ENAH: variants seen among roughly 807,000 people sequenced by gnomAD.
The protein encoded by ENAH is ENAH actin regulator.
Under a neutral mutation model 78.7 loss-of-function variants are expected in ENAH, and 23 were observed. The observed-to-expected ratio is 0.29, with a 90% confidence interval of 0.21 to 0.41. The LOEUF (loss-of-function observed/expected upper bound fraction) is 0.41, where lower values mean the gene tolerates loss of function less well. Ranked by LOEUF, ENAH falls within the 10% of genes least tolerant of loss-of-function variation. The probability of loss-of-function intolerance (pLI) is 1.00; values close to 1 mark genes in which losing one functional copy is unlikely to be tolerated. For missense variants in ENAH, 544 were observed against 691.0 expected, an observed-to-expected ratio of 0.79 and a Z score of 2.39; for synonymous variants, 226 against 241.0, an observed-to-expected ratio of 0.94 and a Z score of 0.58.
At chr1:225,501,378 A>G (rs1290457011) in intron 11 of ENAH, 5 of 265,934 alleles carry the variant, frequency 1.9e-5, no homozygotes, top group Non-Finnish European at 3.5e-5. Context: ...CACGTTGACC[A>G]AAACAGTGAT....
chr1:225,506,315 G>A (rs1443966129), intron 11 of ENAH, among the ~76,000 whole-genome samples: 1 of 152,202 alleles, frequency 6.6e-6, no homozygotes, highest in Non-Finnish European at 1.5e-5. Context: ...AGCCTCCCAA[G>A]TAGCTGGCAT....
chr1:225,614,755 T>G (rs910944807), intron 1 of ENAH, among the ~76,000 whole-genome samples: 6 of 152,140 alleles, frequency 3.9e-5, no homozygotes, highest in African/African-American at 1.4e-4. Context: ...CTTTGGTCAG[T>G]CCAAGGGTTT....
At chr1:225,504,802 A>G (rs1396674479) in intron 11 of ENAH, among the ~76,000 whole-genome samples, 2 of 152,218 alleles carry the variant, frequency 1.3e-5, no homozygotes, top group Non-Finnish European at 1.5e-5. Flanking sequence ...AGTATTTCTA[A>G]TATGTTTACC....
At chr1:225,603,411 T>C (rs1031760765) in intron 1 of ENAH, among the ~76,000 whole-genome samples, 6 of 152,128 alleles carry the variant, frequency 3.9e-5, no homozygotes, top group Non-Finnish European at 7.4e-5. Context: ...GCAGCTTCTA[T>C]AAAATTACTT....
intron 1 of ENAH, among the ~76,000 whole-genome samples, chr1:225,586,714 G>C (rs1408234893): frequency 1.3e-5 from 2 of 152,046 alleles, no homozygotes; most frequent in African/African-American, 2.4e-5. Flanking sequence ...TAAAGGAGAA[G>C]AACAACGTAA....
chr1:225,512,914 C>T lies in ENAH; in HGVS notation c.1321G>A (p.Gly441Ser), dbSNP rs1387803641. ...CTCATTTCTTCCATTAAACCACTACCCCCTAAAGGAAGGGGTCCATTTCCA... is the reference window on the plus strand; with the variant it reads ...CTCATTTCTTCCATTAAACCACTACTCCCTAAAGGAAGGGGTCCATTTCCA... The part of the protein sequence containing the change: ...GRGNGPLPLG[G>S]SGLMEEMSAL... Residue 441 changes from glycine (G) to serine (S), a missense_variant, in exon 8 of 14, where the codon GGT becomes AGT. By Grantham distance (56) the Gly-to-Ser change is moderately conservative. This residue lies in a region of ENAH where 366 missense variants were observed against 396.1 expected (regional missense o/e 0.92). Coordinates refer to ENST00000366843, the MANE Select transcript of ENAH (RefSeq NM_018212.6). 6.2e-7 allele frequency: 1 copy of T among 1,613,928 alleles called. No individual in the cohort carries two copies. The highest frequency in any genetic ancestry group is 1.3e-5 in the African/African-American group (1 of 74,900).
At chr1:225,530,222 T>C (rs1463338598) in intron 4 of ENAH, among the ~76,000 whole-genome samples, 2 of 152,232 alleles carry the variant, frequency 1.3e-5, no homozygotes, top group African/African-American at 4.8e-5. Context: ...ATGAAAATCA[T>C]AGTACTCACA....
rs945501240 is a variant in ENAH, at chr1:225,542,418, A to G, written c.350-11780T>C. On this transcript the variant is annotated intron_variant, in intron 3 of 13. Coordinates refer to ENST00000366843, the MANE Select transcript of ENAH (RefSeq NM_018212.6). ...GTCATGACTCTCTCAGTACATATCC[A>G]TTCAGGATGGTTCATCAAAAACCAG... Among the ~76,000 whole-genome samples, 3 of 152,174 alleles carry G rather than the reference A, an allele frequency of 2.0e-5. No homozygotes were observed. The East Asian group carries it at 5.8e-4, about 29-fold the overall frequency.
chr1:225,521,777 C>T (rs556354180), intron 4 of ENAH, among the ~76,000 whole-genome samples: 2 of 151,840 alleles, frequency 1.3e-5, no homozygotes, highest in South Asian at 2.1e-4. Context: ...TGGGCTATAA[C>T]GATAGTTTTT....
At chr1:225,628,393 T>A (rs894817403) in intron 1 of ENAH, among the ~76,000 whole-genome samples, 4 of 152,152 alleles carry the variant, frequency 2.6e-5, no homozygotes, top group African/African-American at 4.8e-5. Flanking sequence ...AACCTTTGGG[T>A]TCATGAAAGC....
intron 4 of ENAH, 117 bp from the exon 5 acceptor site, chr1:225,519,682 C>G (rs2096452805): frequency 7.0e-7 from 1 of 1,419,376 alleles, no homozygotes; most frequent in South Asian, 1.4e-5. Flanking sequence ...GTAGAGCATG[C>G]AAACATCTCT....
intron 1 of ENAH, among the ~76,000 whole-genome samples, chr1:225,586,208 T>G (rs1323937636): frequency 7.8e-6 from 1 of 128,214 alleles, no homozygotes; most frequent in Non-Finnish European, 1.6e-5. Flanking sequence ...GAGCCGAGGT[T>G]GCACCACTGC....
rs1553409527 is a variant in ENAH at position 225,495,467 on chromosome 1, T to TTG, written c.*2307_*2308insCA. 4.7e-5 allele frequency: 7 copies of TTG among 150,504 alleles called. No individual in the cohort carries two copies. The highest frequency in any genetic ancestry group is 2.0e-4 in the East Asian group (1 of 5,126). The allele number at this position is 150,504 out of a possible 1,614,324, so 9.3% of individuals were successfully genotyped here. ...ATGATTCAACACTGGTTTTTTTTTT[T>TTG]TTTTTTTTTTGTCAGTTTACACATA... On this transcript the variant is annotated 3_prime_UTR_variant, in exon 14 of 14. Transcript: ENST00000366843.
At chr1:225,551,999 G>C (rs1426398476) in intron 3 of ENAH, among the ~76,000 whole-genome samples, 1 of 152,142 alleles carries the variant, frequency 6.6e-6, no homozygotes, top group Non-Finnish European at 1.5e-5. Flanking sequence ...ATCAAACTGA[G>C]AGGTGACATT....
At chr1:225,627,218 A>AATATCACAACACC (rs1553463031) in intron 1 of ENAH, among the ~76,000 whole-genome samples, 1 of 152,206 alleles carries the variant, frequency 6.6e-6, no homozygotes, top group Non-Finnish European at 1.5e-5. Flanking sequence ...CTAAGTATAA[A>AATATCACAACACC]CTTGTATGAA....
At chr1:225,557,275 T>C (rs1489621419) in intron 2 of ENAH, among the ~76,000 whole-genome samples, 5 of 152,182 alleles carry the variant, frequency 3.3e-5, no homozygotes. Flanking sequence ...TTATTTTCTA[T>C]TATTAATCGA....
At chr1:225,527,909 GTTATC>G (rs1234294194) in intron 4 of ENAH, among the ~76,000 whole-genome samples, 2 of 152,130 alleles carry the variant, frequency 1.3e-5, no homozygotes, top group Non-Finnish European at 2.9e-5. Context: ...AAAAGAGTGT[GTTATC>G]TTAATCAACT....
At chr1:225,643,712 G>A (rs1001228260) in intron 1 of ENAH, among the ~76,000 whole-genome samples, 2 of 152,150 alleles carry the variant, frequency 1.3e-5, no homozygotes, top group Non-Finnish European at 2.9e-5. Flanking sequence ...GAAGTGGGAG[G>A]ATGACTTGAG....
At chr1:225,615,389 G>A (rs970487290) in intron 1 of ENAH, among the ~76,000 whole-genome samples, 8 of 152,096 alleles carry the variant, frequency 5.3e-5, no homozygotes, top group Non-Finnish European at 1.0e-4. Flanking sequence ...ATCTCGGCTC[G>A]CTACAACCTC....
Sources: gnomAD v4.1 joint callset for allele counts (sites outside exome capture counted in the v4.1 genomes callset) on GRCh38, gnomAD v4.1.1 for gene constraint, gnomAD v4.1.1 regional missense constraint, MANE v1.5 for transcripts, NCBI Gene and HGNC (gene_info 2026-07-23, HGNC 2026-07-21) for gene names.